MTMR8: variants seen among roughly 807,000 people sequenced by gnomAD.
The protein encoded by MTMR8 is myotubularin related protein 8.
In MTMR8, 65 loss-of-function variants were observed where a neutral mutation model predicts 39.3. That is an observed-to-expected ratio of 1.65 (90% CI 1.35 to 2.03). The LOEUF (loss-of-function observed/expected upper bound fraction) is 2.03, where lower values mean the gene tolerates loss of function less well. Ranked by LOEUF, MTMR8 falls within the 30% of genes most tolerant of loss-of-function variation. The probability of loss-of-function intolerance (pLI) is 0.00; values close to 1 mark genes in which losing one functional copy is unlikely to be tolerated. For missense variants in MTMR8, 777 were observed against 538.9 expected (o/e 1.44, Z -4.37); for synonymous variants, 245 against 185.2 (o/e 1.32, Z -2.62).
Position 64,268,828 on chromosome X carries a change from G to A in MTMR8, c.1824C>T (p.Leu608=), listed in dbSNP as rs764879173. 6.6e-6 allele frequency: 8 copies of A among 1,211,708 alleles called. No individual in the cohort carries two copies. In the South Asian group the frequency reaches 1.4e-4, roughly 21 times the overall value. The change falls in exon 14 of 14, where the codon CTC becomes CTT. Residue 608 remains leucine, a synonymous_variant. Coordinates refer to ENST00000374852, the MANE Select transcript of MTMR8 (RefSeq NM_017677.4). Reference sequence around the variant, plus strand: ...CCACAATCTCACAACAGTTATGGTGGAGGTCTGCACCCTGGCTTTTTACTT... The same window carrying A: ...CCACAATCTCACAACAGTTATGGTGAAGGTCTGCACCCTGGCTTTTTACTT... ...MDQVKSQGAD[L]HHNCCEIVGS...
rs56132040 is a variant in MTMR8 at position 64,278,460 on chromosome X, G to GTTTTTTTT, written c.1482-7395_1482-7388dup. ...GATGTTGATGCTATTTATTTTGCTG[G>GTTTTTTTT]TTTTTTTTTTTTTTTTTTTTTTTTT... On this transcript the variant is annotated intron_variant, in intron 12 of 13. Transcript: ENST00000374852. Among the ~76,000 whole-genome samples the GTTTTTTTT allele has an allele frequency of 2.8e-4, 7 of 24,699 alleles. 1 individual carries two copies. Among genetic ancestry groups the GTTTTTTTT allele is most frequent in the Non-Finnish European group, 4.9e-4 (6 of 12,273 alleles). 21.4% of individuals were successfully genotyped at this position (24,699 alleles called of 115,157 possible). A position where few individuals can be genotyped will look rare whatever the true frequency, so the allele number is the denominator to read the frequency against.
Position 64,349,973 on chromosome X carries a change from G to T in MTMR8, c.566C>A (p.Pro189His). The T allele has an allele frequency of 8.4e-7, 1 of 1,194,204 alleles. No individual in the cohort carries two copies. The highest frequency in any genetic ancestry group is 1.1e-6 in the Non-Finnish European group (1 of 886,021). ...SSKFRSKERV[P>H]VLSYLYKENN... ...CTCTTTGTAGAGGTAGGAGAGCACAGGGACACGTTCTTTACTTCTGAACTT... is the reference window on the plus strand; with the variant it reads ...CTCTTTGTAGAGGTAGGAGAGCACATGGACACGTTCTTTACTTCTGAACTT... Residue 189 changes from proline to histidine, a missense_variant, in exon 5 of 14, where the codon CCT becomes CAT. Transcript: ENST00000374852.
intron 10 of MTMR8, among the ~76,000 whole-genome samples, chrX:64,334,482 A>G (rs1276568029): frequency 9.3e-6 from 1 of 107,363 alleles, no homozygotes; most frequent in African/African-American, 3.4e-5. Context: ...TATTTGTAAA[A>G]TATAGATCTG....
At position 64,268,688 on chromosome X, in the gene MTMR8, C is replaced by A; in HGVS notation, c.1964G>T (p.Cys655Phe). The part of the protein sequence containing the change: ...ATGFSKDLGI[C>F]GAMDISEATG... ...GGCCTCAGAGATGTCCATGGCCCCA[C>A]AGATTCCTAAGTCTTTGGAGAAGCC... is the stretch of plus-strand genomic sequence containing the variant. The change falls in exon 14 of 14, where the codon TGT becomes TTT. Residue 655 changes from cysteine (C) to phenylalanine (F), a missense_variant. Cys to Phe is a radical substitution (Grantham distance 205). Coordinates refer to ENST00000374852, the MANE Select transcript of MTMR8 (RefSeq NM_017677.4). 8.3e-7 allele frequency: 1 copy of A among 1,211,611 alleles called. No homozygotes were observed. The highest frequency in any genetic ancestry group is 2.2e-5 in the Admixed American group (1 of 46,002).
At chrX:64,282,875 T>C (rs1921009480) in intron 12 of MTMR8, among the ~76,000 whole-genome samples, 1 of 111,220 alleles carries the variant, frequency 9.0e-6, no homozygotes, top group African/African-American at 3.3e-5. Flanking sequence ...TAGGAACAGC[T>C]CCAGTCTACA....
At chrX:64,319,592 G>A (rs1278341709) in intron 12 of MTMR8, among the ~76,000 whole-genome samples, 2 of 111,795 alleles carry the variant, frequency 1.8e-5, no homozygotes, top group Non-Finnish European at 3.8e-5. Flanking sequence ...AAGGTGTAAG[G>A]AAGGGATCCA....
chrX:64,314,397 C>T (rs1922401954), intron 12 of MTMR8, among the ~76,000 whole-genome samples: 1 of 112,610 alleles, frequency 8.9e-6, no homozygotes, highest in South Asian at 3.6e-4. Flanking sequence ...AGAGGCCTGA[C>T]TGGTGACTGT....
At chrX:64,372,395 C>T (rs1244975675) in intron 1 of MTMR8, among the ~76,000 whole-genome samples, 1 of 111,049 alleles carries the variant, frequency 9.0e-6, no homozygotes, top group African/African-American at 3.3e-5. Flanking sequence ...TTATATCACA[C>T]GTATAGCTTT....
intron 10 of MTMR8, among the ~76,000 whole-genome samples, chrX:64,335,790 A>G (rs1347000898): frequency 8.9e-6 from 1 of 112,124 alleles, no homozygotes; most frequent in African/African-American, 3.2e-5. Flanking sequence ...TCTTCGTGCA[A>G]TGTTAAGCAC....
intron 8 of MTMR8, among the ~76,000 whole-genome samples, chrX:64,338,561 C>T (rs1198522934): frequency 8.9e-6 from 1 of 111,946 alleles, no homozygotes; most frequent in Non-Finnish European, 1.9e-5. Flanking sequence ...AGAGATAGAG[C>T]CAGCTAGGAG....
intron 12 of MTMR8, among the ~76,000 whole-genome samples, chrX:64,310,816 C>A (rs748204916): frequency 1.1e-4 from 12 of 111,538 alleles, no homozygotes; most frequent in African/African-American, 3.6e-4. Context: ...CATGTCCCTG[C>A]AAAGGACATA....
At chrX:64,359,606 A>T (rs977240294) in intron 1 of MTMR8, 79 bp from the exon 2 acceptor site, 2 of 1,001,769 alleles carry the variant, frequency 2.0e-6, no homozygotes, top group Non-Finnish European at 2.7e-6. Context: ...AAAGCAAGAT[A>T]AACGCTGTTA....
At chrX:64,331,016 T>C (rs140642653) in intron 11 of MTMR8, among the ~76,000 whole-genome samples, 64 of 111,781 alleles carry the variant, frequency 5.7e-4, no homozygotes, top group Admixed American at 1.4e-3. Context: ...GTTCAGTGTA[T>C]ACTGCTCAGG....
At chrX:64,315,279 T>C (rs1353812183) in intron 12 of MTMR8, among the ~76,000 whole-genome samples, 2 of 111,914 alleles carry the variant, frequency 1.8e-5, no homozygotes, top group African/African-American at 6.5e-5. Flanking sequence ...CATTCCCCCA[T>C]TGTTGTTAGG....
Position 64,372,755 on chromosome X carries a change from G to GT in MTMR8, c.25-13229dup, listed in dbSNP as rs770930036. Reference sequence around the variant, plus strand: ...TGAAGGGACATATGGGTAGTTTCCAGTTTGGGGCTATTATGAATAAAGCTG... The same window carrying GT: ...TGAAGGGACATATGGGTAGTTTCCAGTTTTGGGGCTATTATGAATAAAGCTG... On this transcript the variant is annotated intron_variant, in intron 1 of 13. Transcript: ENST00000374852. Among the ~76,000 whole-genome samples, 930 of 111,926 alleles carry GT rather than the reference G, an allele frequency of 8.3e-3. 4 individuals carry two copies. Among genetic ancestry groups the GT allele is most frequent in the African/African-American group, 0.029 (899 of 30,819 alleles).
chrX:64,381,957 G>A (rs1451228667), intron 1 of MTMR8, among the ~76,000 whole-genome samples: 3 of 111,511 alleles, frequency 2.7e-5, no homozygotes, highest in Admixed American at 9.5e-5. Flanking sequence ...TGTTCCATTG[G>A]TCTATATCTC....
intron 2 of MTMR8, among the ~76,000 whole-genome samples, chrX:64,358,124 A>G (rs897007107): frequency 2.7e-5 from 3 of 112,009 alleles, no homozygotes; most frequent in African/African-American, 9.7e-5. Flanking sequence ...GCACAGTACT[A>G]AAGAACTGGT....
chrX:64,372,342 C>A (rs1813179869), intron 1 of MTMR8, among the ~76,000 whole-genome samples: 1 of 110,419 alleles, frequency 9.1e-6, no homozygotes. Flanking sequence ...ACATGTATAC[C>A]AGGTAACAGT....
chrX:64,302,795 G>T (rs770066526), intron 12 of MTMR8, among the ~76,000 whole-genome samples: 1 of 112,305 alleles, frequency 8.9e-6, no homozygotes, highest in African/African-American at 3.2e-5. Context: ...AAGAAAAACT[G>T]TAGGGCAATA....
Sources: gnomAD v4.1 joint callset for allele counts (sites outside exome capture counted in the v4.1 genomes callset) on GRCh38, gnomAD v4.1.1 for gene constraint, MANE v1.5 for transcripts, NCBI Gene and HGNC (gene_info 2026-07-23, HGNC 2026-07-21) for gene names.